Variants in DYNC1LI1 observed in about 807,000 individuals in gnomAD.
DYNC1LI1 encodes cytoplasmic dynein 1 light intermediate chain 1.
Under a neutral mutation model 63.8 loss-of-function variants are expected in DYNC1LI1, and 19 were observed. That is an observed-to-expected ratio of 0.30 (90% CI 0.21 to 0.44). DYNC1LI1 has a LOEUF of 0.44. Ranked by LOEUF, DYNC1LI1 falls within the 20% of genes least tolerant of loss-of-function variation. The probability of loss-of-function intolerance (pLI) is 1.00; values close to 1 mark genes in which losing one functional copy is unlikely to be tolerated. For synonymous variants in DYNC1LI1, 225 were observed against 232.3 expected (o/e 0.97, Z 0.28); for missense variants, 565 against 630.2 (o/e 0.90, Z 1.11).
At chr3:32,563,793 G>A (rs1698224287) in intron 2 of DYNC1LI1, among the ~76,000 whole-genome samples, 1 of 152,152 alleles carries the variant, frequency 6.6e-6, no homozygotes, top group African/African-American at 2.4e-5. Flanking sequence ...CAGTAGCACT[G>A]GGGGAAATAT....
chr3:32,557,476 C>T (rs1034297677), intron 2 of DYNC1LI1, among the ~76,000 whole-genome samples: 8 of 151,676 alleles, frequency 5.3e-5, no homozygotes, highest in African/African-American at 1.2e-4. Context: ...GAGTCGAAAT[C>T]GCACCACTGC....
chr3:32,536,243 T>C (rs181774501), intron 6 of DYNC1LI1, among the ~76,000 whole-genome samples: 3 of 152,322 alleles, frequency 2.0e-5, no homozygotes, highest in East Asian at 1.9e-4. Flanking sequence ...CTCATTACTA[T>C]CTATTCCTAA....
chr3:32,534,233 A>G (rs116365595), intron 7 of DYNC1LI1, among the ~76,000 whole-genome samples: 2,162 of 152,284 alleles, frequency 0.014, 47 homozygotes, highest in African/African-American at 0.049. Flanking sequence ...TATCATAATC[A>G]ATTAAAGAAT....
At chr3:32,529,722 T>C in intron 10 of DYNC1LI1, 62 bp from the exon 11 acceptor site, 1 of 1,431,152 alleles carries the variant, frequency 7.0e-7, no homozygotes, top group Non-Finnish European at 9.4e-7. Context: ...ACAAAAGTTA[T>C]TATTGTAAAA....
In DYNC1LI1 at chr3:32,557,420, G is replaced by C. The variant is rs369998356; in HGVS notation, c.221-11455C>G. 9.9e-5 allele frequency among the ~76,000 whole-genome samples: 15 copies of C among 152,142 alleles called. No homozygotes were observed. In the East Asian group the frequency reaches 2.1e-3, roughly 22 times the overall value. ...CTTTGTAATCCCAGCTACTCGAGAG[G>C]CTGAGGCAGGAGAAACACTTGAATC... On this transcript the variant is annotated intron_variant, in intron 2 of 12. Transcript: ENST00000273130.
chr3:32,542,231 G>A (rs1052945924), intron 4 of DYNC1LI1, among the ~76,000 whole-genome samples: 6 of 151,920 alleles, frequency 3.9e-5, no homozygotes, highest in South Asian at 2.1e-4. Context: ...TCAACCTCCC[G>A]AGTGAGTAGC....
chr3:32,536,983 G>A (rs747014049), intron 6 of DYNC1LI1, 28 bp downstream of exon 6: 3 of 1,275,564 alleles, frequency 2.4e-6, no homozygotes, highest in African/African-American at 3.0e-5. Flanking sequence ...GTGATACACT[G>A]AATCAATAAA....
chr3:32,530,835 T>A, intron 8 of DYNC1LI1: 1 of 264,520 alleles, frequency 3.8e-6, no homozygotes. Context: ...TAATTTTACA[T>A]TTAAAAGGCA....
At chr3:32,527,096 C>T (rs929706950) in intron 12 of DYNC1LI1, among the ~76,000 whole-genome samples, 188 bp from the exon 13 acceptor site, 8 of 152,174 alleles carry the variant, frequency 5.3e-5, no homozygotes, top group Admixed American at 5.2e-4. Flanking sequence ...AATCTCAGCA[C>T]TTTGGGAGGC....
chr3:32,555,258 T>C (rs1698097379), intron 2 of DYNC1LI1, among the ~76,000 whole-genome samples: 1 of 152,236 alleles, frequency 6.6e-6, no homozygotes, highest in African/African-American at 2.4e-5. Context: ...TTCAAAATCC[T>C]CTTAAGACCC....
rs1370118298 is a variant in DYNC1LI1, at chr3:32,529,553, A to G, written c.1293T>C (p.Asp431=). 1.2e-6 allele frequency: 2 copies of G among 1,607,062 alleles called. No individual in the cohort carries two copies. Among genetic ancestry groups the G allele is most frequent in the African/African-American group, 2.7e-5 (2 of 74,802 alleles). ...SPIPAGSKKI[D]PNMKAGATSE... ...AAAGAGATGTACCTTTCATGTTTGG[A>G]TCAATTTTTTTTGACCCAGCAGGAA... The change falls in exon 11 of 13, where the codon GAT becomes GAC. Residue 431 remains aspartate, a synonymous_variant. Coordinates refer to ENST00000273130, the MANE Select transcript of DYNC1LI1 (RefSeq NM_016141.4).
intron 2 of DYNC1LI1, among the ~76,000 whole-genome samples, chr3:32,551,275 A>G (rs187704453): frequency 6.6e-6 from 1 of 152,348 alleles, no homozygotes; most frequent in Non-Finnish European, 1.5e-5. Context: ...AATCTTGTAC[A>G]GTTAATGAAC....
At chr3:32,533,187 G>A in intron 7 of DYNC1LI1, 90 bp from the exon 8 acceptor site, 2 of 1,418,796 alleles carry the variant, frequency 1.4e-6, no homozygotes, top group South Asian at 3.1e-5. Flanking sequence ...ATACTTTCAT[G>A]AAGTCAATTT....
chr3:32,534,786 G>C lies in DYNC1LI1; in HGVS notation c.833-140C>G, dbSNP rs1168276798. The C allele has an allele frequency of 2.5e-5, 14 of 555,164 alleles. No individual in the cohort carries two copies. In the East Asian group the frequency reaches 4.7e-4, roughly 19 times the overall value. The allele number at this position is 555,164 out of a possible 1,614,324, so 34.4% of individuals were successfully genotyped here. On this transcript the variant is annotated intron_variant, in intron 6 of 12. Transcript: ENST00000273130. ...CAAAGGTATATTATATGGTAATCAA[G>C]AACTTCAAAAGTAAAAAATACTACC...
chr3:32,532,943 A>C, intron 8 of DYNC1LI1, 43 bp downstream of exon 8: 1 of 1,515,542 alleles, frequency 6.6e-7, no homozygotes, highest in East Asian at 2.5e-5. Context: ...CCCTCAGGTT[A>C]GTCTAAAGTC....
Position 32,536,993 on chromosome 3 carries a change from A to G in DYNC1LI1, c.832+18T>C. On this transcript the variant is annotated intron_variant, in intron 6 of 12. Transcript: ENST00000273130. ...GTAAAGTGATACACTGAATCAATAA[A>G]TGTATTTAAAAGGATACACTGTAAA... 7.3e-7 allele frequency: 1 copy of G among 1,366,614 alleles called. No individual in the cohort carries two copies. Among genetic ancestry groups the G allele is most frequent in the Non-Finnish European group, 1.0e-6 (1 of 975,594 alleles). The allele number at this position is 1,366,614 out of a possible 1,614,324, so 84.7% of individuals were successfully genotyped here.
At chr3:32,545,174 C>T in intron 3 of DYNC1LI1, 68 bp from the exon 4 acceptor site, 3 of 1,047,802 alleles carry the variant, frequency 2.9e-6, no homozygotes, top group Non-Finnish European at 4.4e-6. Context: ...ACTAACAGTA[C>T]CACTTGGTAT....
rs760929356 is a variant in DYNC1LI1, at chr3:32,534,567, T to C, written c.912A>G (p.Leu304=). Residue 304 remains leucine (L), a synonymous_variant, in exon 7 of 13, where the codon CTA becomes CTG. Coordinates refer to ENST00000273130, the MANE Select transcript of DYNC1LI1 (RefSeq NM_016141.4). ...DLVYKYIVQK[L]YGFPYKIPAV... ...CAGGAATCTTATAGGGAAATCCATA[T>C]AGTTTCTGAACGATGTATTTATATA... 4.4e-5 allele frequency: 71 copies of C among 1,598,036 alleles called. No homozygotes were observed. The highest frequency in any genetic ancestry group is 1.7e-4 in the Middle Eastern group (1 of 6,040).
intron 2 of DYNC1LI1, among the ~76,000 whole-genome samples, chr3:32,546,340 G>A (rs745369935): frequency 1.3e-4 from 20 of 152,036 alleles, no homozygotes; most frequent in South Asian, 6.2e-4. Flanking sequence ...CCTGGGAGGC[G>A]GAGGTTGCAG....
Sources: allele counts gnomAD v4.1 joint callset (sites outside exome capture counted in the v4.1 genomes callset), GRCh38; gene constraint gnomAD v4.1.1; transcripts MANE v1.5; gene names NCBI Gene and HGNC (gene_info 2026-07-23, HGNC 2026-07-21).